CSMD1: variants seen among roughly 807,000 people sequenced by gnomAD.
The protein encoded by CSMD1 is CUB and Sushi multiple domains 1.
A neutral mutation model predicts 417.5 loss-of-function variants in CSMD1; 213 were observed. That is an observed-to-expected ratio of 0.51 (90% CI 0.46 to 0.57). The LOEUF is 0.57. CSMD1 is among the 20% of genes least tolerant of loss of function. The probability of loss-of-function intolerance (pLI) is 0.00; values close to 1 mark genes in which losing one functional copy is unlikely to be tolerated. For synonymous variants in CSMD1, 2,862 were observed against 1,736.8 expected (o/e 1.65, Z -16.11); for missense variants, 6,923 against 4,529.7 (o/e 1.53, Z -15.17).
intron 1 of CSMD1, among the ~76,000 whole-genome samples, chr8:4,993,616 C>T (rs1811595073): frequency 6.6e-6 from 1 of 152,128 alleles, no homozygotes; most frequent in African/African-American, 2.4e-5. Flanking sequence ...AGGAGGATAC[C>T]CGTGCGCCCA....
chr8:4,459,615 T>C (rs1318685000), intron 2 of CSMD1, among the ~76,000 whole-genome samples: 1 of 152,112 alleles, frequency 6.6e-6, no homozygotes, highest in African/African-American at 2.4e-5. Context: ...GAGAAGAAGA[T>C]CGCATTGTGG....
chr8:3,909,973 T>G (rs1808355144), intron 5 of CSMD1, among the ~76,000 whole-genome samples: 1 of 152,060 alleles, frequency 6.6e-6, no homozygotes, highest in Non-Finnish European at 1.5e-5. Flanking sequence ...CAGACAACAC[T>G]TGGGAGTAAC....
At chr8:4,744,962 A>C (rs1810861730) in intron 1 of CSMD1, among the ~76,000 whole-genome samples, 1 of 152,200 alleles carries the variant, frequency 6.6e-6, no homozygotes, top group Admixed American at 6.5e-5. Flanking sequence ...ACTATTTCAA[A>C]TCAGACACAT....
At chr8:3,940,204 A>G (rs1397528810) in intron 5 of CSMD1, among the ~76,000 whole-genome samples, 1 of 151,756 alleles carries the variant, frequency 6.6e-6, no homozygotes, top group African/African-American at 2.4e-5. Context: ...ATTTTTGAAA[A>G]AGTTCTACCA....
intron 5 of CSMD1, among the ~76,000 whole-genome samples, chr8:3,757,363 A>T (rs771183490): frequency 1.3e-5 from 2 of 152,226 alleles, no homozygotes; most frequent in Non-Finnish European, 2.9e-5. Flanking sequence ...GTAGCCATAA[A>T]ATGGCAGTGG....
chr8:3,985,605 T>C (rs957385690), intron 5 of CSMD1, among the ~76,000 whole-genome samples: 6 of 152,276 alleles, frequency 3.9e-5, no homozygotes, highest in African/African-American at 1.2e-4. Flanking sequence ...CGCCACCTTC[T>C]AGTACAGGAA....
At chr8:3,205,423 C>G (rs946474210) in intron 31 of CSMD1, 81 bp downstream of exon 31, 4 of 726,236 alleles carry the variant, frequency 5.5e-6, no homozygotes, top group Non-Finnish European at 9.2e-6. Context: ...TAAGCTCTAG[C>G]ATACTTGTTT....
At chr8:4,274,529 A>G (rs1358540319) in intron 3 of CSMD1, among the ~76,000 whole-genome samples, 1 of 152,156 alleles carries the variant, frequency 6.6e-6, no homozygotes, top group East Asian at 1.9e-4. Flanking sequence ...TAGTCCACAA[A>G]TTATAGTAAG....
Position 3,359,278 on chromosome 8 carries a change from G to T in CSMD1, c.3178C>A (p.His1060Asn), listed in dbSNP as rs1808999809. Reference sequence around the variant, plus strand: ...GTCAGAGAGTCTCCCACACCAAAGTGAAAACCAATTCTTCGGCTGAAGGCA... The same window carrying T: ...GTCAGAGAGTCTCCCACACCAAAGTTAAAACCAATTCTTCGGCTGAAGGCA... ...VPAFSRRIGF[H>N]FGVGDSLTFS... Residue 1060 changes from histidine (H) to asparagine (N), a missense_variant, in exon 21 of 70, where the codon CAC becomes AAC. Physicochemically the swap from His to Asn is moderately conservative, Grantham distance 68 (BLOSUM62 1). Transcript: ENST00000635120. The T allele has an allele frequency of 1.9e-6, 3 of 1,613,856 alleles. No homozygotes were observed. Among genetic ancestry groups the T allele is most frequent in the Non-Finnish European group, 2.5e-6 (3 of 1,179,844 alleles).
chr8:4,968,100 TC>T (rs1353404056), intron 1 of CSMD1, among the ~76,000 whole-genome samples: 1 of 152,112 alleles, frequency 6.6e-6, no homozygotes, highest in Non-Finnish European at 1.5e-5. Flanking sequence ...ATGATGGATT[TC>T]CATTCAAATA....
rs952514084 is a variant in CSMD1, at chr8:4,185,402, C to G, written c.416-153303G>C. Among the ~76,000 whole-genome samples the G allele has an allele frequency of 3.9e-5, 6 of 151,940 alleles. No homozygotes were observed. The East Asian group carries it at 1.2e-3, about 29-fold the overall frequency. On this transcript the variant is annotated intron_variant, in intron 3 of 69. Transcript: ENST00000635120. ...CTTTTAAAGTACCCAGAATAGTACC[C>G]CTAAGCAATAAACATACACGTGTGA...
chr8:3,736,915 C>A (rs1796551117), intron 6 of CSMD1, among the ~76,000 whole-genome samples: 1 of 152,180 alleles, frequency 6.6e-6, no homozygotes. Context: ...CTAGAACATT[C>A]CGTGTGAAGC....
chr8:4,350,246 C>G (rs890010871), intron 3 of CSMD1, among the ~76,000 whole-genome samples: 2 of 152,130 alleles, frequency 1.3e-5, no homozygotes, highest in African/African-American at 2.4e-5. Context: ...GCCTAAGTCT[C>G]AACAACTGGA....
At chr8:3,533,002 A>T (rs140756806) in intron 10 of CSMD1, among the ~76,000 whole-genome samples, 2 of 152,334 alleles carry the variant, frequency 1.3e-5, no homozygotes, top group African/African-American at 4.8e-5. Flanking sequence ...TTCTACTCAT[A>T]ACAAATTAAG....
chr8:3,152,909 C>A (rs959456012), intron 39 of CSMD1, among the ~76,000 whole-genome samples: 1 of 152,190 alleles, frequency 6.6e-6, no homozygotes, highest in Non-Finnish European at 1.5e-5. Context: ...TCCCTTAGGG[C>A]TCGTGGGACC....
chr8:3,924,678 T>C (rs1012972443), intron 5 of CSMD1, among the ~76,000 whole-genome samples: 2 of 152,190 alleles, frequency 1.3e-5, no homozygotes, highest in East Asian at 1.9e-4. Flanking sequence ...AGTGTAATCA[T>C]TGTTCTCTTT....
intron 1 of CSMD1, among the ~76,000 whole-genome samples, chr8:4,891,852 T>A (rs972826510): frequency 2.0e-5 from 3 of 152,148 alleles, no homozygotes; most frequent in African/African-American, 7.2e-5. Context: ...ACACCTTGTA[T>A]TATCCATTGA....
intron 1 of CSMD1, among the ~76,000 whole-genome samples, chr8:4,922,293 T>C (rs996432913): frequency 1.3e-5 from 2 of 152,180 alleles, no homozygotes; most frequent in Non-Finnish European, 2.9e-5. Flanking sequence ...TAAATAGGCA[T>C]CATTGATTCT....
intron 54 of CSMD1, among the ~76,000 whole-genome samples, chr8:2,989,595 C>T (rs948272802): frequency 1.3e-5 from 2 of 152,146 alleles, no homozygotes; most frequent in Non-Finnish European, 2.9e-5. Flanking sequence ...GTTTAAAATG[C>T]ATCAACGAAT....
Sources: allele counts gnomAD v4.1 joint callset (sites outside exome capture counted in the v4.1 genomes callset), GRCh38; gene constraint gnomAD v4.1.1; transcripts MANE v1.5; gene names NCBI Gene and HGNC (gene_info 2026-07-23, HGNC 2026-07-21).